FAM151B: variants seen among roughly 807,000 people sequenced by gnomAD.
The protein encoded by FAM151B is protein FAM151B.
FAM151B carries 24 observed loss-of-function variants against 31.2 expected under a neutral mutation model. That is an observed-to-expected ratio of 0.77 (90% CI 0.56 to 1.08). FAM151B has a LOEUF of 1.08. FAM151B is among the 50% of genes least tolerant of loss of function. FAM151B has a pLI of 0.00. For missense variants in FAM151B, 293 were observed against 328.6 expected (o/e 0.89, Z 0.84); for synonymous variants, 105 against 111.4 (o/e 0.94, Z 0.36).
chr5:80,541,292 T>C (rs921087534), intron 5 of FAM151B, among the ~76,000 whole-genome samples: 1 of 152,196 alleles, frequency 6.6e-6, no homozygotes, highest in Non-Finnish European at 1.5e-5. Flanking sequence ...CCCTTCCCAT[T>C]GTGCTTTTCA....
chr5:80,500,349 A>G, intron 1 of FAM151B: 1 of 1,010,368 alleles, frequency 9.9e-7, no homozygotes, highest in Non-Finnish European at 1.5e-6. Context: ...GGTGTAGAAG[A>G]GAAAGAGAAG....
At chr5:80,488,683 A>G (rs1743205407) in intron 1 of FAM151B, among the ~76,000 whole-genome samples, 1 of 152,198 alleles carries the variant, frequency 6.6e-6, no homozygotes, top group South Asian at 2.1e-4. Flanking sequence ...TTTTCTGTAA[A>G]CTTAAGTAGT....
chr5:80,501,378 C>G, intron 1 of FAM151B: 1 of 1,201,264 alleles, frequency 8.3e-7, no homozygotes, highest in South Asian at 1.3e-5. Context: ...ACCAGATCAA[C>G]AGGCTTACTA....
At chr5:80,497,124 T>C (rs1743576720) in intron 1 of FAM151B, among the ~76,000 whole-genome samples, 1 of 151,744 alleles carries the variant, frequency 6.6e-6, no homozygotes, top group Non-Finnish European at 1.5e-5. Context: ...TTTTTTTCTG[T>C]AAATGAAAAC....
At chr5:80,531,788 G>A (rs189959115) in intron 5 of FAM151B, among the ~76,000 whole-genome samples, 1 of 152,266 alleles carries the variant, frequency 6.6e-6, no homozygotes, top group African/African-American at 2.4e-5. Context: ...CACTGTTGGT[G>A]GGACTATAAA....
At chr5:80,492,460 G>C (rs773052185) in intron 1 of FAM151B, among the ~76,000 whole-genome samples, 2 of 152,096 alleles carry the variant, frequency 1.3e-5, no homozygotes, top group Non-Finnish European at 2.9e-5. Flanking sequence ...CCGGCTTGGC[G>C]AGGATAAAAA....
At chr5:80,517,074 A>G (rs2112634622) in intron 3 of FAM151B, among the ~76,000 whole-genome samples, 1 of 152,304 alleles carries the variant, frequency 6.6e-6, no homozygotes, top group South Asian at 2.1e-4. Context: ...TAGTCACTTA[A>G]TAGCCGTCAC....
Position 80,541,964 on chromosome 5 carries a change from A to G in FAM151B, c.*132A>G, listed in dbSNP as rs1192020791. The G allele has an allele frequency of 1.1e-5, 10 of 948,024 alleles. No individual in the cohort carries two copies. The highest frequency in any genetic ancestry group is 1.4e-5 in the Non-Finnish European group (9 of 645,262). The allele number at this position is 948,024 out of a possible 1,614,324, so 58.7% of individuals were successfully genotyped here. On this transcript the variant is annotated 3_prime_UTR_variant, in exon 6 of 6. Transcript: ENST00000282226. ...CATCTAATCAAGAAACGTTTATTGTATGCTTACTCTGTGGGCATATGTCCT... is the reference window on the plus strand; with the variant it reads ...CATCTAATCAAGAAACGTTTATTGTGTGCTTACTCTGTGGGCATATGTCCT...
chr5:80,503,311 G>A (rs1743819937), intron 2 of FAM151B, among the ~76,000 whole-genome samples: 1 of 152,180 alleles, frequency 6.6e-6, no homozygotes, highest in Admixed American at 6.5e-5. Context: ...GCTCATGCCT[G>A]TAATCCCAGC....
chr5:80,526,383 G>A (rs1287160421), intron 5 of FAM151B, among the ~76,000 whole-genome samples: 2 of 151,526 alleles, frequency 1.3e-5, no homozygotes, highest in East Asian at 1.9e-4. Flanking sequence ...CAAGGCGGGC[G>A]GATCACCTGA....
intron 4 of FAM151B, among the ~76,000 whole-genome samples, chr5:80,520,320 T>C (rs984806045): frequency 1.3e-5 from 2 of 152,142 alleles, no homozygotes; most frequent in Non-Finnish European, 2.9e-5. Flanking sequence ...TTTTACAACT[T>C]GCTTTTGATA....
chr5:80,514,739 T>C (rs1287793472), intron 3 of FAM151B, among the ~76,000 whole-genome samples: 2 of 152,042 alleles, frequency 1.3e-5, no homozygotes, highest in Non-Finnish European at 1.5e-5. Context: ...CTCTGAGTAA[T>C]ATTTTTAAAT....
chr5:80,530,187 C>A (rs549927382), intron 5 of FAM151B, among the ~76,000 whole-genome samples: 3 of 151,988 alleles, frequency 2.0e-5, no homozygotes, highest in African/African-American at 7.2e-5. Flanking sequence ...ATTCAACAGC[C>A]CTTCATGCTA....
intron 4 of FAM151B, among the ~76,000 whole-genome samples, chr5:80,521,367 C>A (rs1245253323): frequency 6.6e-6 from 1 of 151,812 alleles, no homozygotes; most frequent in Non-Finnish European, 1.5e-5. Context: ...CTCAAGCTAT[C>A]CTCCCACCTT....
In FAM151B at chr5:80,540,842, T is replaced by G. The variant is rs1377117609; in HGVS notation, c.672-831T>G. Among the ~76,000 whole-genome samples the G allele has an allele frequency of 2.0e-5, 3 of 152,358 alleles. No individual in the cohort carries two copies. In the East Asian group the frequency reaches 5.8e-4, roughly 29 times the overall value. On this transcript the variant is annotated intron_variant, in intron 5 of 5. Transcript: ENST00000282226. ...TATTTCCAGAATGGTGTCGCCATCC[T>G]TAAGGGCAGGAATGTGTCAATATGA...
intron 1 of FAM151B, among the ~76,000 whole-genome samples, chr5:80,488,736 A>AT (rs889721272): frequency 5.9e-5 from 9 of 152,142 alleles, no homozygotes; most frequent in African/African-American, 1.9e-4. Context: ...TTCAGTTTAG[A>AT]TTTTTTTCCC....
intron 1 of FAM151B, among the ~76,000 whole-genome samples, chr5:80,494,337 G>A (rs892511891): frequency 2.0e-5 from 3 of 152,154 alleles, no homozygotes; most frequent in Non-Finnish European, 2.9e-5. Flanking sequence ...GAAGCAGCAG[G>A]TGCTAATGGA....
Position 80,538,454 on chromosome 5 carries a change from C to CTTTCTTTCTTTCTTTCTCTTTCTTTG in FAM151B, c.672-3202_672-3201insCTTTCTTTGTTTCTTTCTTTCTTTCT, listed in dbSNP as rs1561383605. On this transcript the variant is annotated intron_variant, in intron 5 of 5. Transcript: ENST00000282226. ...TTTCTTTCTTTCTTTCTTTCTCTTTCTTTCTTTCTTTCTTTCTTTCTTTCT... is the reference window on the plus strand; with the variant it reads ...TTTCTTTCTTTCTTTCTTTCTCTTTCTTTCTTTCTTTCTTTCTCTTTCTTTGTTTCTTTCTTTCTTTCTTTCTTTCT... 4.6e-3 allele frequency among the ~76,000 whole-genome samples: 287 copies of CTTTCTTTCTTTCTTTCTCTTTCTTTG among 62,980 alleles called. 8 individuals are homozygous for CTTTCTTTCTTTCTTTCTCTTTCTTTG. Among genetic ancestry groups the CTTTCTTTCTTTCTTTCTCTTTCTTTG allele is most frequent in the Middle Eastern group, 0.014 (2 of 146 alleles). The allele number at this position is 62,980 out of a possible 152,430, so 41.3% of individuals were successfully genotyped here.
intron 1 of FAM151B, chr5:80,500,609 A>G: frequency 1.3e-6 from 1 of 758,492 alleles, no homozygotes; most frequent in Non-Finnish European, 2.4e-6. Flanking sequence ...ATTTGTCCTC[A>G]GGATCAGAGG....
Sources: gnomAD v4.1 joint callset for allele counts (sites outside exome capture counted in the v4.1 genomes callset) on GRCh38, gnomAD v4.1.1 for gene constraint, MANE v1.5 for transcripts, NCBI Gene and HGNC (gene_info 2026-07-23, HGNC 2026-07-21) for gene names.